The following PHTF2 variants were observed in gnomAD, a reference collection of about 807,000 sequenced individuals.
PHTF2 encodes protein PHTF2.
Under a neutral mutation model 101.2 loss-of-function variants are expected in PHTF2, and 60 were observed. The ratio of observed to expected loss-of-function variants is 0.59; its 90% CI spans 0.48 to 0.73. The LOEUF is 0.73. Among genes scored for constraint, PHTF2 ranks in the 30% least tolerant of loss-of-function variants. The pLI is 0.00. For synonymous variants in PHTF2, 311 were observed against 307.3 expected (o/e 1.01, Z -0.13); for missense variants, 747 against 908.7 (o/e 0.82, Z 2.29).
At chr7:77,816,816 G>A (rs1213100783) in intron 1 of PHTF2, among the ~76,000 whole-genome samples, 1 of 152,158 alleles carries the variant, frequency 6.6e-6, no homozygotes, top group Non-Finnish European at 1.5e-5. Flanking sequence ...GTGAGAACAT[G>A]CAGGGTTTAA....
intron 11 of PHTF2, among the ~76,000 whole-genome samples, chr7:77,927,174 A>AT (rs1804100770): frequency 1.1e-5 from 1 of 94,470 alleles, no homozygotes; most frequent in African/African-American, 3.7e-5. Flanking sequence ...AAAAAAAAAA[A>AT]AAAATATATA....
At chr7:77,913,054 A>G (rs1230761211) in intron 9 of PHTF2, among the ~76,000 whole-genome samples, 1 of 152,156 alleles carries the variant, frequency 6.6e-6, no homozygotes, top group African/African-American at 2.4e-5. Context: ...ATAAACCTTT[A>G]TGAACCTGAG....
intron 18 of PHTF2, among the ~76,000 whole-genome samples, chr7:77,952,618 T>G (rs1806647465): frequency 6.6e-6 from 1 of 152,220 alleles, no homozygotes; most frequent in Admixed American, 6.5e-5. Flanking sequence ...ATTAATAGTT[T>G]TGTGTTTGCT....
chr7:77,931,659 T>G (rs1319963826), intron 12 of PHTF2, among the ~76,000 whole-genome samples: 5 of 152,234 alleles, frequency 3.3e-5, no homozygotes, highest in African/African-American at 1.2e-4. Context: ...TGTCATTATA[T>G]AGTAAAGTTG....
At chr7:77,823,231 T>C (rs1229953529) in intron 1 of PHTF2, among the ~76,000 whole-genome samples, 1 of 148,454 alleles carries the variant, frequency 6.7e-6, no homozygotes. Context: ...ATTACTCTCT[T>C]TTTTTTTGGA....
intron 2 of PHTF2, among the ~76,000 whole-genome samples, chr7:77,851,213 T>TAGCAGTGA (rs1262259946): frequency 1.2e-4 from 19 of 152,334 alleles, no homozygotes; most frequent in African/African-American, 3.8e-4. Flanking sequence ...TGGTAAAGTA[T>TAGCAGTGA]AGCAGTGAAG....
chr7:77,895,250 C>G, intron 5 of PHTF2: 1 of 404,288 alleles, frequency 2.5e-6, no homozygotes, highest in Non-Finnish European at 4.9e-6. Context: ...ATAGATATAG[C>G]TATAGGAATG....
rs10556864 is a variant in PHTF2 at position 77,875,530 on chromosome 7, A to ATATT, written c.148-18053_148-18050dup. ...ATTTGTTGACTAATAATAACAGGTA[A>ATATT]TATTTATTTATTTATTTATTTATTT... is the stretch of plus-strand genomic sequence containing the variant. On this transcript the variant is annotated intron_variant, in intron 3 of 19. Transcript: ENST00000416283. Among the ~76,000 whole-genome samples the ATATT allele has an allele frequency of 1.2e-3, 181 of 148,218 alleles. 2 individuals are homozygous for ATATT. Among genetic ancestry groups the ATATT allele is most frequent in the Non-Finnish European group, 1.4e-3 (94 of 67,080 alleles).
intron 3 of PHTF2, among the ~76,000 whole-genome samples, chr7:77,881,859 A>G (rs1799451996): frequency 6.6e-6 from 1 of 152,208 alleles, no homozygotes; most frequent in Non-Finnish European, 1.5e-5. Flanking sequence ...TTTCAGCGGT[A>G]TGCAACAGTA....
At chr7:77,816,087 TC>T (rs1490657816) in intron 1 of PHTF2, among the ~76,000 whole-genome samples, 7 of 152,146 alleles carry the variant, frequency 4.6e-5, no homozygotes, top group Non-Finnish European at 7.4e-5. Context: ...TTTTTTTTTT[TC>T]TTTGAGACAA....
At chr7:77,871,000 C>T (rs1048787874) in intron 3 of PHTF2, among the ~76,000 whole-genome samples, 1 of 152,326 alleles carries the variant, frequency 6.6e-6, no homozygotes, top group South Asian at 2.1e-4. Flanking sequence ...GGAGGAAACA[C>T]TCATGACAGT....
At chr7:77,939,894 TGAATG>T (rs1805496586) in intron 13 of PHTF2, 131 bp from the exon 13 acceptor site, 1 of 617,268 alleles carries the variant, frequency 1.6e-6, no homozygotes, top group South Asian at 2.8e-5. Flanking sequence ...CTCTCAAACT[TGAATG>T]GGATTCAAAT....
intron 3 of PHTF2, among the ~76,000 whole-genome samples, chr7:77,890,438 C>A (rs904439205): frequency 3.3e-5 from 5 of 151,986 alleles, no homozygotes; most frequent in African/African-American, 9.7e-5. Context: ...TCTTGAGTCG[C>A]CTAGAAATAA....
chr7:77,906,780 C>T (rs548047627), intron 7 of PHTF2, among the ~76,000 whole-genome samples: 4 of 152,206 alleles, frequency 2.6e-5, no homozygotes, highest in African/African-American at 7.2e-5. Context: ...TGGTGGCGGG[C>T]ACCTGTAGTC....
chr7:77,913,602 G>A (rs1024496411), intron 9 of PHTF2, among the ~76,000 whole-genome samples: 2 of 151,894 alleles, frequency 1.3e-5, no homozygotes, highest in Non-Finnish European at 2.9e-5. Flanking sequence ...TCATTTCACC[G>A]TGACAATATC....
Position 77,928,528 on chromosome 7 carries a change from G to A in PHTF2, c.1120-581G>A, listed in dbSNP as rs1804272979. On this transcript the variant is annotated intron_variant, in intron 11 of 19. Coordinates refer to ENST00000416283, the Ensembl canonical transcript of PHTF2. ...GAATAAGAAAATACAGTCATTCCTG[G>A]GTATCCACGTGAGATTGGTAGATAT... is the stretch of plus-strand genomic sequence containing the variant. Among the ~76,000 whole-genome samples the A allele has an allele frequency of 3.3e-5, 5 of 151,816 alleles. No individual in the cohort carries two copies. The South Asian group carries it at 1.0e-3, about 32-fold the overall frequency.
intron 2 of PHTF2, among the ~76,000 whole-genome samples, chr7:77,843,666 T>C (rs916549928): frequency 6.6e-6 from 1 of 152,234 alleles, no homozygotes; most frequent in African/African-American, 2.4e-5. Flanking sequence ...TGAATAACTT[T>C]ATTTCTTTGA....
intron 3 of PHTF2, among the ~76,000 whole-genome samples, chr7:77,877,773 A>C (rs554229314): frequency 1.3e-5 from 2 of 152,222 alleles, no homozygotes; most frequent in East Asian, 1.9e-4. Flanking sequence ...AAGGCTGTGT[A>C]GGGCCCCTTA....
At position 77,929,817 on chromosome 7, in the gene PHTF2, A is replaced by G. The variant is rs1282573935; in HGVS notation, c.1338+490A>G. Among the ~76,000 whole-genome samples the G allele has an allele frequency of 4.6e-5, 7 of 152,178 alleles. No individual in the cohort carries two copies. The East Asian group carries it at 1.3e-3, about 29-fold the overall frequency. On this transcript the variant is annotated intron_variant, in intron 12 of 19. Transcript: ENST00000416283. ...AATTCAAATATGTTTTATTTAGACC[A>G]TTATATTCATAATATCACTTTAACA...
Sources: gnomAD v4.1 joint callset for allele counts (sites outside exome capture counted in the v4.1 genomes callset) on GRCh38, gnomAD v4.1.1 for gene constraint, MANE v1.5 for transcripts, NCBI Gene and HGNC (gene_info 2026-07-23, HGNC 2026-07-21) for gene names.